The following ROCK1 variants were observed in gnomAD, a reference collection of about 807,000 sequenced individuals.
ROCK1 encodes Rho associated coiled-coil containing protein kinase 1.
A neutral mutation model predicts 196.8 loss-of-function variants in ROCK1; 36 were observed. The observed-to-expected ratio is 0.18, with a 90% CI of 0.14 to 0.24. The LOEUF (loss-of-function observed/expected upper bound fraction) is 0.24, where lower values mean the gene tolerates loss of function less well. Among genes scored for constraint, ROCK1 ranks in the 10% least tolerant of loss-of-function variants. The pLI, the probability that ROCK1 is intolerant of heterozygous loss-of-function variation, is 1.00. For synonymous variants in ROCK1, 443 were observed against 515.9 expected, an observed-to-expected ratio of 0.86 and a Z score of 1.91; for missense variants, 920 against 1,562.0, an observed-to-expected ratio of 0.59 and a Z score of 6.93.
In ROCK1 at chr18:20,949,345, T is replaced by A. The variant is rs2035159899; in HGVS notation, c.*2039A>T. The A allele has an allele frequency of 6.6e-6, 1 of 152,132 alleles. No homozygotes were observed. Among genetic ancestry groups the A allele is most frequent in the Non-Finnish European group, 1.5e-5 (1 of 68,022 alleles). 9.4% of individuals were successfully genotyped at this position (152,132 alleles called of 1,614,324 possible). A position where few individuals can be genotyped will look rare whatever the true frequency, so the allele number is the denominator to read the frequency against. On this transcript the variant is annotated 3_prime_UTR_variant, in exon 33 of 33. Coordinates refer to ENST00000399799, the MANE Select transcript of ROCK1 (RefSeq NM_005406.3). ...TGACAAAAGAGATGAGACCCCTGGG[T>A]CAGAGTCAGATGACTTCATTCACAG... is the stretch of plus-strand genomic sequence containing the variant.
intron 23 of ROCK1, 171 bp from the exon 24 acceptor site, chr18:20,969,379 A>G: frequency 2.0e-6 from 1 of 497,202 alleles, no homozygotes; most frequent in South Asian, 3.5e-5. Flanking sequence ...ATTTAAAAGT[A>G]GTTAACAGCA....
rs1568367511 is a variant in ROCK1, at chr18:20,959,132, A to ATATAATATATATAT, written c.3512+707_3512+708insATATATATATTATA. ...ATATATATTATATAATATATATATT[A>ATATAATATATATAT]TATATATTATATAAAATATATATAT... On this transcript the variant is annotated intron_variant, in intron 29 of 32. Coordinates refer to ENST00000399799, the MANE Select transcript of ROCK1 (RefSeq NM_005406.3). 1.9e-4 allele frequency among the ~76,000 whole-genome samples: 10 copies of ATATAATATATATAT among 52,136 alleles called. 1 individual carries two copies. The highest frequency in any genetic ancestry group is 1.3e-3 in the African/African-American group (9 of 6,884). 34.2% of individuals were successfully genotyped at this position (52,136 alleles called of 152,430 possible).
chr18:20,962,514 T>C (rs2035336772), intron 27 of ROCK1, among the ~76,000 whole-genome samples: 1 of 152,176 alleles, frequency 6.6e-6, no homozygotes, highest in African/African-American at 2.4e-5. Flanking sequence ...ATGTCAAAAA[T>C]ATTTATGCTT....
intron 1 of ROCK1, among the ~76,000 whole-genome samples, chr18:21,105,952 G>A (rs779271045): frequency 1.3e-5 from 2 of 152,156 alleles, no homozygotes; most frequent in African/African-American, 4.8e-5. Context: ...AAAGCACTAG[G>A]TCAAGAGAGC....
intron 8 of ROCK1, among the ~76,000 whole-genome samples, chr18:21,040,940 T>C (rs2036100315): frequency 6.6e-6 from 1 of 151,500 alleles, no homozygotes; most frequent in South Asian, 2.1e-4. Flanking sequence ...CTGGCCAACA[T>C]AGTGAAACCC....
At chr18:21,011,078 TTC>T (rs1389732629) in intron 13 of ROCK1, among the ~76,000 whole-genome samples, 3 of 152,348 alleles carry the variant, frequency 2.0e-5, no homozygotes, top group Admixed American at 2.0e-4. Flanking sequence ...TTTGAAGAGT[TTC>T]TGACAGATAT....
intron 27 of ROCK1, among the ~76,000 whole-genome samples, chr18:20,962,630 T>C (rs2035337694): frequency 6.6e-6 from 1 of 152,168 alleles, no homozygotes; most frequent in African/African-American, 2.4e-5. Context: ...AAATTTTATA[T>C]ATCAAGGGAA....
At chr18:20,988,147 C>T (rs1485936534) in intron 18 of ROCK1, among the ~76,000 whole-genome samples, 1 of 152,038 alleles carries the variant, frequency 6.6e-6, no homozygotes, top group African/African-American at 2.4e-5. Context: ...TTCACTGCAA[C>T]TTCCGCCTCC....
intron 11 of ROCK1, among the ~76,000 whole-genome samples, chr18:21,022,464 C>T (rs1279123533): frequency 6.6e-6 from 1 of 152,150 alleles, no homozygotes. Context: ...TCATCCTCTG[C>T]TCTTCTTTGC....
intron 4 of ROCK1, among the ~76,000 whole-genome samples, chr18:21,048,181 A>G (rs574554002): frequency 6.6e-6 from 1 of 152,336 alleles, no homozygotes; most frequent in Non-Finnish European, 1.5e-5. Flanking sequence ...GTTAAGTAAC[A>G]TGGCCACAGC....
intron 13 of ROCK1, among the ~76,000 whole-genome samples, chr18:21,012,022 A>C (rs1267382286): frequency 6.6e-6 from 1 of 152,002 alleles, no homozygotes; most frequent in Non-Finnish European, 1.5e-5. Flanking sequence ...GCTCACTCCA[A>C]CCTCCACCTC....
chr18:21,019,235 C>T (rs900335749), intron 12 of ROCK1, among the ~76,000 whole-genome samples: 11 of 152,088 alleles, frequency 7.2e-5, no homozygotes, highest in African/African-American at 2.7e-4. Context: ...CTTCCTGCAA[C>T]CTCTCCCTCC....
chr18:21,027,730 A>AAACAGG lies in ROCK1; in HGVS notation c.1211+1045_1211+1046insCCTGTT, dbSNP rs573574741. On this transcript the variant is annotated intron_variant, in intron 10 of 32. Coordinates refer to ENST00000399799, the MANE Select transcript of ROCK1 (RefSeq NM_005406.3). ...ACTACATTTTATAACACATGGTAAAATTTGGGGAGGAATCACTTAATTTTT... is the reference window on the plus strand; with the variant it reads ...ACTACATTTTATAACACATGGTAAAAAACAGGTTTGGGGAGGAATCACTTAATTTTT... Among the ~76,000 whole-genome samples the AAACAGG allele has an allele frequency of 9.7e-3, 1,416 of 146,218 alleles. 20 individuals are homozygous for AAACAGG. The highest frequency in any genetic ancestry group is 0.035 in the African/African-American group (1,361 of 39,312).
intron 14 of ROCK1, 90 bp downstream of exon 14, chr18:21,007,962 ATTGTAGC>A: frequency 1.2e-6 from 1 of 811,744 alleles, no homozygotes; most frequent in Non-Finnish European, 1.8e-6. Flanking sequence ...GTGTCTTAGG[ATTGTAGC>A]TTCATGTATG....
intron 21 of ROCK1, among the ~76,000 whole-genome samples, chr18:20,980,471 GT>G (rs1310960927): frequency 1.3e-5 from 2 of 152,092 alleles, no homozygotes; most frequent in African/African-American, 4.8e-5. Context: ...ATAGAGGTGG[GT>G]GGGGAAAATG....
At chr18:20,998,338 A>G (rs1004527025) in intron 16 of ROCK1, among the ~76,000 whole-genome samples, 2 of 152,188 alleles carry the variant, frequency 1.3e-5, no homozygotes, top group African/African-American at 4.8e-5. Flanking sequence ...ATCTACATCA[A>G]AAAGGTAGAA....
chr18:21,000,532 G>A (rs1050862790), intron 16 of ROCK1, among the ~76,000 whole-genome samples: 37 of 152,116 alleles, frequency 2.4e-4, no homozygotes, highest in African/African-American at 7.0e-4. Flanking sequence ...CAAAGTGCTG[G>A]GATTACAGGT....
chr18:20,962,082 GATT>G (rs1285361853), intron 27 of ROCK1, among the ~76,000 whole-genome samples: 3 of 151,998 alleles, frequency 2.0e-5, no homozygotes, highest in African/African-American at 4.8e-5. Flanking sequence ...GATATTTGTT[GATT>G]ATTTTGTAAT....
Position 20,959,103 on chromosome 18 carries a change from T to TTA in ROCK1, c.3512+735_3512+736dup, listed in dbSNP as rs1281407137. ...ATATATATTTTATATAATATATATA[T>TTA]TATATATATATTATATAATATATAT... is the stretch of plus-strand genomic sequence containing the variant. On this transcript the variant is annotated intron_variant, in intron 29 of 32. Transcript: ENST00000399799. Among the ~76,000 whole-genome samples, 40 of 17,532 alleles carry TTA rather than the reference T, an allele frequency of 2.3e-3. No individual in the cohort carries two copies. In the East Asian group the frequency reaches 0.039, roughly 17 times the overall value. 11.5% of individuals were successfully genotyped at this position (17,532 alleles called of 152,430 possible). A position where few individuals can be genotyped will look rare whatever the true frequency, so the allele number is the denominator to read the frequency against.
Sources: gnomAD v4.1 joint callset for allele counts (sites outside exome capture counted in the v4.1 genomes callset) on GRCh38, gnomAD v4.1.1 for gene constraint, MANE v1.5 for transcripts, NCBI Gene and HGNC (gene_info 2026-07-23, HGNC 2026-07-21) for gene names.